Variants in ABLIM2 observed in about 807,000 individuals in gnomAD.
ABLIM2 encodes the protein actin-binding LIM protein 2.
A neutral mutation model predicts 97.7 loss-of-function variants in ABLIM2; 53 were observed. That is an observed-to-expected ratio of 0.54 (90% CI 0.44 to 0.68). The LOEUF (loss-of-function observed/expected upper bound fraction) is 0.68, where lower values mean the gene tolerates loss of function less well. Ranked by LOEUF, ABLIM2 falls within the 30% of genes least tolerant of loss-of-function variation. The probability of loss-of-function intolerance (pLI) is 0.00; values close to 1 mark genes in which losing one functional copy is unlikely to be tolerated. For synonymous variants in ABLIM2, 361 were observed against 345.8 expected (o/e 1.04, Z -0.49); for missense variants, 835 against 867.2 (o/e 0.96, Z 0.47).
At chr4:7,983,612 C>T (rs922565060) in intron 18 of ABLIM2, 58 bp from the exon 19 acceptor site, 2 of 1,599,352 alleles carry the variant, frequency 1.3e-6, no homozygotes, top group Admixed American at 3.4e-5. Flanking sequence ...AGATGTCGTC[C>T]AAGGTGAGTG....
In ABLIM2 at chr4:8,008,045, A is replaced by ACG. The variant is rs779539842; in HGVS notation, c.1618+13_1618+14insCG. ...TGTGCACATCACGGCTCCTTCTTCA[A>ACG]AAGAACCACTCACGTGAGTGAAAGC... On this transcript the variant is annotated intron_variant, in intron 16 of 20. Coordinates refer to ENST00000447017, the MANE Select transcript of ABLIM2 (RefSeq NM_001130083.2). 18 of 1,613,222 alleles carry ACG rather than the reference A, an allele frequency of 1.1e-5. 1 individual carries two copies. In the South Asian group the frequency reaches 1.9e-4, roughly 17 times the overall value.
At chr4:8,088,126 A>G in intron 4 of ABLIM2, 43 bp downstream of exon 4, 1 of 624,114 alleles carries the variant, frequency 1.6e-6, no homozygotes, top group South Asian at 2.2e-5. Context: ...CCCCCCACTC[A>G]GCATGCCCCC....
intron 6 of ABLIM2, among the ~76,000 whole-genome samples, chr4:8,066,275 C>T (rs1175237659): frequency 1.4e-5 from 2 of 142,000 alleles, no homozygotes; most frequent in Admixed American, 7.3e-5. Flanking sequence ...CAGTGCACTC[C>T]AGCCTGGGCA....
At chr4:7,977,362 A>G (rs976946606) in intron 20 of ABLIM2, among the ~76,000 whole-genome samples, 15 of 152,068 alleles carry the variant, frequency 9.9e-5, no homozygotes, top group African/African-American at 3.6e-4. Flanking sequence ...ATGAATACAC[A>G]CACATACCCA....
intron 8 of ABLIM2, 114 bp from the exon 9 acceptor site, chr4:8,045,355 T>A: frequency 2.9e-6 from 3 of 1,019,406 alleles, no homozygotes; most frequent in Non-Finnish European, 4.6e-6. Context: ...GGTGTTTCTT[T>A]AAAGTTGGGG....
rs1222040530 is a variant in ABLIM2 at position 8,032,254 on chromosome 4, C to T, written c.1048-2478G>A. Among the ~76,000 whole-genome samples, 1 of 151,794 alleles carries T rather than the reference C, an allele frequency of 6.6e-6. No homozygotes were observed. The highest frequency in any genetic ancestry group is 6.6e-5 in the Admixed American group (1 of 15,252). ...CAGTAAAAGCTCTTTTGTAGAGAGA[C>T]ACGTCCAGTGTTTCTCCACGAGGAC... On this transcript the variant is annotated intron_variant, in intron 10 of 20. Coordinates refer to ENST00000447017, the MANE Select transcript of ABLIM2 (RefSeq NM_001130083.2). The surrounding 1 kb of genome is among the most constrained non-coding windows in gnomAD (Gnocchi z 4.3).
At position 8,003,563 on chromosome 4, in the gene ABLIM2, T is replaced by C. The variant is rs987946552; in HGVS notation, c.1618+4496A>G. ...CACTACGCTCTTCTTCCAGTTTTCT[T>C]TTTTTTTTTTTTTTTTTTTGGAGAT... On this transcript the variant is annotated intron_variant, in intron 16 of 20. Coordinates refer to ENST00000447017, the MANE Select transcript of ABLIM2 (RefSeq NM_001130083.2). This position sits in a 1 kb window ranked among gnomAD's most constrained non-coding sequence, Gnocchi z 4.2. 2.9e-5 allele frequency among the ~76,000 whole-genome samples: 4 copies of C among 138,328 alleles called. No homozygotes were observed. Among genetic ancestry groups the C allele is most frequent in the Admixed American group, 1.4e-4 (2 of 14,136 alleles). 90.7% of individuals were successfully genotyped at this position (138,328 alleles called of 152,430 possible). A position where few individuals can be genotyped will look rare whatever the true frequency, so the allele number is the denominator to read the frequency against.
intron 20 of ABLIM2, among the ~76,000 whole-genome samples, chr4:7,976,848 TAC>T (rs1229367933): frequency 1.3e-5 from 2 of 151,758 alleles, no homozygotes; most frequent in Non-Finnish European, 2.9e-5. Flanking sequence ...CACACACATA[TAC>T]ACACATACAC....
rs1182757356 is a variant in ABLIM2, at chr4:8,154,214, G to A, written c.10+4466C>T. Among the ~76,000 whole-genome samples the A allele has an allele frequency of 5.2e-4, 78 of 150,540 alleles. 1 individual carries two copies. Among genetic ancestry groups the A allele is most frequent in the African/African-American group, 1.7e-3 (68 of 40,986 alleles). On this transcript the variant is annotated intron_variant, in intron 1 of 20. Transcript: ENST00000447017. The stretch of plus-strand genomic sequence containing the variant: ...CCTGACCTTGTGATCCACCCGCCTC[G>A]GCCTCCCAAAGTGCTGGGATTACAG...
In ABLIM2 at chr4:8,071,904, G is replaced by C; in HGVS notation, c.675+5724C>G. 1.0e-6 allele frequency: 1 copy of C among 985,480 alleles called. No individual in the cohort carries two copies. Among genetic ancestry groups the C allele is most frequent in the Non-Finnish European group, 1.2e-6 (1 of 829,990 alleles). The allele number at this position is 985,480 out of a possible 1,614,324, so 61.0% of individuals were successfully genotyped here. ...GTCACCTGCTCCTGCTGCGCCCTGG[G>C]AGTCCACTGTCACCCAGCGGGGCAC... On this transcript the variant is annotated intron_variant, in intron 6 of 20. Transcript: ENST00000447017. The surrounding 1 kb of genome is among the most constrained non-coding windows in gnomAD (Gnocchi z 6.2).
Position 7,967,091 on chromosome 4 carries a change from G to A in ABLIM2, c.1837C>T (p.Pro613Ser), listed in dbSNP as rs752265036. ...DRTRLERHLS[P>S]EEFQEVFGMS... The stretch of plus-strand genomic sequence containing the variant: ...CCAAACACTTCCTGGAACTCCTCGG[G>A]CGACAAGTGTCTCTTCAAACAAAAA... Residue 613 changes from proline to serine, a missense_variant, in exon 21 of 21, where the codon CCC becomes TCC. Pro to Ser is a moderately conservative substitution (Grantham distance 74). Coordinates refer to ENST00000447017, the MANE Select transcript of ABLIM2 (RefSeq NM_001130083.2). 22 of 1,613,434 alleles carry A rather than the reference G, an allele frequency of 1.4e-5. No homozygotes were observed. The highest frequency in any genetic ancestry group is 8.8e-5 in the South Asian group (8 of 91,084).
intron 3 of ABLIM2, among the ~76,000 whole-genome samples, chr4:8,096,123 C>T (rs1831447954): frequency 1.3e-5 from 2 of 152,208 alleles, no homozygotes; most frequent in Non-Finnish European, 2.9e-5. Flanking sequence ...CTTCCGGAAA[C>T]TGCCTCCAGG....
chr4:8,038,656 C>T (rs1472702217), intron 9 of ABLIM2, among the ~76,000 whole-genome samples: 2 of 152,100 alleles, frequency 1.3e-5, no homozygotes, highest in Admixed American at 1.3e-4. Flanking sequence ...TGGGGTGAAC[C>T]CTGACATTTG....
At chr4:8,079,403 A>G (rs1299145918) in intron 5 of ABLIM2, among the ~76,000 whole-genome samples, 3 of 152,208 alleles carry the variant, frequency 2.0e-5, no homozygotes, top group Admixed American at 2.0e-4. Flanking sequence ...TGCCGCCTGC[A>G]CGGGGCTGGG....
At position 8,127,435 on chromosome 4, in the gene ABLIM2, A is replaced by G. The variant is rs536873318; in HGVS notation, c.11-20798T>C. 1.1e-4 allele frequency: 135 copies of G among 1,225,996 alleles called. No individual in the cohort carries two copies. Among genetic ancestry groups the G allele is most frequent in the Non-Finnish European group, 1.4e-4 (128 of 939,424 alleles). 75.9% of individuals were successfully genotyped at this position (1,225,996 alleles called of 1,614,324 possible). A position where few individuals can be genotyped will look rare whatever the true frequency, so the allele number is the denominator to read the frequency against. ...GACTGGACCCGTCCTTTCCCACCAG[A>G]CCCCTGAAGCTGATTCATGGAGCTC... On this transcript the variant is annotated intron_variant, in intron 1 of 20. Transcript: ENST00000447017. This position sits in a 1 kb window ranked among gnomAD's most constrained non-coding sequence, Gnocchi z 7.3.
rs1259579082 is a variant in ABLIM2, at chr4:8,155,939, G to T, written c.10+2741C>A. Among the ~76,000 whole-genome samples, 1 of 152,172 alleles carries T rather than the reference G, an allele frequency of 6.6e-6. No individual in the cohort carries two copies. The highest frequency in any genetic ancestry group is 2.4e-5 in the African/African-American group (1 of 41,420). On this transcript the variant is annotated intron_variant, in intron 1 of 20. Transcript: ENST00000447017. The surrounding 1 kb of genome is among the most constrained non-coding windows in gnomAD (Gnocchi z 4.2). ...GGCTTTGGAAGGAAGTAACCCAGCT[G>T]ACACCTTGATCTCAGACTTCTGGCC...
intron 1 of ABLIM2, among the ~76,000 whole-genome samples, chr4:8,126,574 G>T (rs962297734): frequency 6.6e-6 from 1 of 152,032 alleles, no homozygotes; most frequent in Non-Finnish European, 1.5e-5. Flanking sequence ...CTGGTTGTTC[G>T]TATCTAAGGA....
At position 8,158,797 on chromosome 4, in the gene ABLIM2, C is replaced by T; in HGVS notation, c.-108G>A. On this transcript the variant is annotated 5_prime_UTR_variant, in exon 1 of 21. Coordinates refer to ENST00000447017, the MANE Select transcript of ABLIM2 (RefSeq NM_001130083.2). ...CTCCGCCCGCCCGCCGGCTCCGCGC[C>T]CGCTCCTTGCGCACACGCCAGGCAG... The T allele has an allele frequency of 1.9e-6, 2 of 1,049,790 alleles. No homozygotes were observed. The highest frequency in any genetic ancestry group is 2.4e-6 in the Non-Finnish European group (2 of 832,266). 65.0% of individuals were successfully genotyped at this position (1,049,790 alleles called of 1,614,324 possible).
intron 12 of ABLIM2, among the ~76,000 whole-genome samples, chr4:8,025,697 G>C (rs1186951432): frequency 6.6e-6 from 1 of 152,202 alleles, no homozygotes; most frequent in Non-Finnish European, 1.5e-5. Flanking sequence ...GCTGCTCACA[G>C]GGGCTGCCTG....
Sources: gnomAD v4.1 joint callset for allele counts (sites outside exome capture counted in the v4.1 genomes callset) on GRCh38, gnomAD v4.1.1 for gene constraint, Gnocchi (gnomAD v3.1) non-coding constraint, MANE v1.5 for transcripts, NCBI Gene and HGNC (gene_info 2026-07-23, HGNC 2026-07-21) for gene names.